The following PALS2 variants were observed in gnomAD, a reference collection of about 807,000 sequenced individuals.
PALS2 encodes protein PALS2.
A neutral mutation model predicts 61.6 loss-of-function variants in PALS2; 27 were observed. That is an observed-to-expected ratio of 0.44 (90% CI 0.32 to 0.60). The LOEUF is 0.60. Among genes scored for constraint, PALS2 ranks in the 20% least tolerant of loss-of-function variants. The pLI, the probability that PALS2 is intolerant of heterozygous loss-of-function variation, is 0.05. For synonymous variants in PALS2, 236 were observed against 218.6 expected (o/e 1.08, Z -0.70); for missense variants, 554 against 639.4 (o/e 0.87, Z 1.44).
intron 9 of PALS2, among the ~76,000 whole-genome samples, chr7:24,677,023 G>C (rs867787680): frequency 0.014 from 2,111 of 147,426 alleles, 81 homozygotes; most frequent in African/African-American, 0.054. Flanking sequence ...GAATGTTCTT[G>C]CATTTGTTTG....
At position 24,666,363 on chromosome 7, in the gene PALS2, A is replaced by G. The variant is rs544632505; in HGVS notation, c.952+274A>G. Reference sequence around the variant, plus strand: ...TGTCTTAATCAAGAAGCAGTATCATAATTGAAACTATTTGTCCAGAGAATT... The same window carrying G: ...TGTCTTAATCAAGAAGCAGTATCATGATTGAAACTATTTGTCCAGAGAATT... On this transcript the variant is annotated intron_variant, in intron 8 of 11. Transcript: ENST00000222644. Among the ~76,000 whole-genome samples, 57 of 152,278 alleles carry G rather than the reference A, an allele frequency of 3.7e-4. 2 individuals are homozygous for G. In the South Asian group the frequency reaches 6.3e-3, roughly 17 times the overall value.
chr7:24,679,140 G>A lies in PALS2; in HGVS notation c.1124G>A (p.Arg375Gln). ...ACACTATTTTATTTAGTTACTTCACGGAAACCAAGGGAAGATGAAAAAGAT... is the reference window on the plus strand; with the variant it reads ...ACACTATTTTATTTAGTTACTTCACAGAAACCAAGGGAAGATGAAAAAGAT... ...RFGTTVPFTSRKPREDEKDGQ... is the reference protein window; with the variant it reads ...RFGTTVPFTSQKPREDEKDGQ... The change falls in exon 10 of 12, where the codon CGG becomes CAG. Residue 375 changes from arginine (R) to glutamine (Q), a missense_variant. Physicochemically the swap from Arg to Gln is conservative, Grantham distance 43 (BLOSUM62 1). Transcript: ENST00000222644. 2 of 1,613,364 alleles carry A rather than the reference G, an allele frequency of 1.2e-6. No individual in the cohort carries two copies. The highest frequency in any genetic ancestry group is 1.7e-6 in the Non-Finnish European group (2 of 1,179,486).
intron 2 of PALS2, among the ~76,000 whole-genome samples, chr7:24,639,245 GA>G (rs1240999620): frequency 3.3e-5 from 5 of 152,196 alleles, no homozygotes; most frequent in African/African-American, 1.2e-4. Flanking sequence ...ATATAAAGAT[GA>G]AGTAAAGTAA....
intron 1 of PALS2, among the ~76,000 whole-genome samples, chr7:24,584,578 G>A (rs1369246704): frequency 1.3e-5 from 2 of 151,154 alleles, no homozygotes; most frequent in African/African-American, 4.9e-5. Context: ...TGTCAGATGA[G>A]TAGGTTGGGA....
rs372137362 is a variant in PALS2 at position 24,629,142 on chromosome 7, T to A, written c.117+5358T>A. 9.9e-5 allele frequency among the ~76,000 whole-genome samples: 15 copies of A among 151,920 alleles called. 1 individual carries two copies. Among genetic ancestry groups the A allele is most frequent in the Admixed American group, 7.2e-4 (11 of 15,262 alleles). Reference sequence around the variant, plus strand: ...ACCATGGTACTGGTACAAAAACAAATATATAGACCAATGGAACAGGACAGA... The same window carrying A: ...ACCATGGTACTGGTACAAAAACAAAAATATAGACCAATGGAACAGGACAGA... On this transcript the variant is annotated intron_variant, in intron 2 of 11. Coordinates refer to ENST00000222644, the MANE Select transcript of PALS2 (RefSeq NM_001303037.2).
intron 1 of PALS2, among the ~76,000 whole-genome samples, chr7:24,613,095 A>G (rs1432892869): frequency 1.3e-5 from 2 of 151,644 alleles, no homozygotes; most frequent in Non-Finnish European, 3.0e-5. Context: ...AAATTACATT[A>G]TAATTTTTTA....
chr7:24,582,275 A>G (rs1425780482), intron 1 of PALS2, among the ~76,000 whole-genome samples: 3 of 152,238 alleles, frequency 2.0e-5, no homozygotes, highest in Non-Finnish European at 4.4e-5. Flanking sequence ...TATGATGCAT[A>G]TAAAGAAAAT....
chr7:24,629,027 A>T (rs1414031540), intron 2 of PALS2, among the ~76,000 whole-genome samples: 4 of 152,204 alleles, frequency 2.6e-5, no homozygotes, highest in Non-Finnish European at 4.4e-5. Flanking sequence ...GAGCCGGTAT[A>T]GCCTAGACAA....
Position 24,687,381 on chromosome 7 carries a change from T to C in PALS2, c.1447-57T>C, listed in dbSNP as rs1285171886. The C allele has an allele frequency of 7.5e-7, 1 of 1,336,040 alleles. No individual in the cohort carries two copies. Among genetic ancestry groups the C allele is most frequent in the Admixed American group, 2.1e-5 (1 of 48,042 alleles). The allele number at this position is 1,336,040 out of a possible 1,614,324, so 82.8% of individuals were successfully genotyped here. A position where few individuals can be genotyped will look rare whatever the true frequency, so the allele number is the denominator to read the frequency against. On this transcript the variant is annotated intron_variant, in intron 11 of 11. Transcript: ENST00000222644. The surrounding 1 kb of genome is among the most constrained non-coding windows in gnomAD (Gnocchi z 4.5). ...TATTATATTCACTTCTAGTTGGAGTTTGAGCAAGTAAATATGCATTGTAAT... is the reference window on the plus strand; with the variant it reads ...TATTATATTCACTTCTAGTTGGAGTCTGAGCAAGTAAATATGCATTGTAAT...
chr7:24,641,235 G>T (rs1785536651), intron 2 of PALS2, among the ~76,000 whole-genome samples: 1 of 151,886 alleles, frequency 6.6e-6, no homozygotes, highest in African/African-American at 2.4e-5. Context: ...GAAGATAGGA[G>T]CTTCCAGATT....
chr7:24,687,562 T>C lies in PALS2; in HGVS notation c.1571T>C (p.Ile524Thr). 6.2e-7 allele frequency: 1 copy of C among 1,612,770 alleles called. No homozygotes were observed. Among genetic ancestry groups the C allele is most frequent in the South Asian group, 1.1e-5 (1 of 90,726 alleles). The change falls in exon 12 of 12, where the codon ATA becomes ACA. Residue 524 changes from isoleucine to threonine, a missense_variant. Coordinates refer to ENST00000222644, the MANE Select transcript of PALS2 (RefSeq NM_001303037.2). This position sits in a 1 kb window ranked among gnomAD's most constrained non-coding sequence, Gnocchi z 4.5. ...DKAFEKLQTA[I>T]EKLRMEPQWV... is the part of the protein sequence containing the mutation. ...GCCTTTGAAAAACTGCAAACTGCCA[T>C]AGAGAAACTGAGAATGGAACCACAG... is the stretch of plus-strand genomic sequence containing the variant.
chr7:24,673,443 C>G (rs1221449915), intron 9 of PALS2, among the ~76,000 whole-genome samples: 1 of 152,128 alleles, frequency 6.6e-6, no homozygotes, highest in African/African-American at 2.4e-5. Flanking sequence ...TTTCCTCTTT[C>G]ATTGTTTGGG....
Position 24,649,666 on chromosome 7 carries a change from T to C in PALS2, c.325T>C (p.Ser109Pro). Residue 109 changes from serine (S) to proline (P), a missense_variant, in exon 4 of 12, where the codon TCA becomes CCA. Ser to Pro is a moderately conservative substitution (Grantham distance 74, BLOSUM62 -1). Coordinates refer to ENST00000222644, the MANE Select transcript of PALS2 (RefSeq NM_001303037.2). Reference sequence around the variant, plus strand: ...ATCAAAGTGTTATGATTCACCTCCATCAAGCCCAGAAATGAATAATTCTTC... The same window carrying C: ...ATCAAAGTGTTATGATTCACCTCCACCAAGCCCAGAAATGAATAATTCTTC... ...VASKCYDSPP[S>P]SPEMNNSSIN... 1 of 1,612,070 alleles carries C rather than the reference T, an allele frequency of 6.2e-7. No homozygotes were observed. Among genetic ancestry groups the C allele is most frequent in the East Asian group, 2.2e-5 (1 of 44,704 alleles).
Position 24,618,346 on chromosome 7 carries a change from C to G in PALS2, c.-2-5320C>G, listed in dbSNP as rs149710457. ...GACCAGAGCCACAGCAGATCCTGTG[C>G]TCAGGCTCTGTGCAGCTGGGGTTGT... On this transcript the variant is annotated intron_variant, in intron 1 of 11. Transcript: ENST00000222644. This position sits in a 1 kb window ranked among gnomAD's most constrained non-coding sequence, Gnocchi z 5.1. Among the ~76,000 whole-genome samples, 1 of 152,188 alleles carries G rather than the reference C, an allele frequency of 6.6e-6. No homozygotes were observed. Among genetic ancestry groups the G allele is most frequent in the Non-Finnish European group, 1.5e-5 (1 of 68,024 alleles).
chr7:24,649,996 CA>C (rs201135204), intron 4 of PALS2, among the ~76,000 whole-genome samples: 1,873 of 152,032 alleles, frequency 0.012, 53 homozygotes, highest in African/African-American at 0.043. Context: ...CAAGGGGTAG[CA>C]AAAAATTTCA....
At chr7:24,586,059 T>C (rs1367320557) in intron 1 of PALS2, among the ~76,000 whole-genome samples, 2 of 152,178 alleles carry the variant, frequency 1.3e-5, no homozygotes, top group African/African-American at 4.8e-5. Flanking sequence ...TATACTGGTA[T>C]TACACAAATA....
At chr7:24,637,321 C>A (rs1785286618) in intron 2 of PALS2, among the ~76,000 whole-genome samples, 1 of 133,216 alleles carries the variant, frequency 7.5e-6, no homozygotes, top group African/African-American at 2.8e-5. Flanking sequence ...TTTTTCAGAG[C>A]AAAGCTCATC....
In PALS2 at chr7:24,662,495, G is replaced by A. The variant is rs1786776026; in HGVS notation, c.652-1095G>A. On this transcript the variant is annotated intron_variant, in intron 5 of 11. Transcript: ENST00000222644. ...TTTTAAGAAAGCAGTTGGGCTGGGC[G>A]CAGTGGCTTATGCCTGTAATCCCCA... Among the ~76,000 whole-genome samples the A allele has an allele frequency of 1.3e-5, 2 of 152,026 alleles. 1 individual carries two copies. Among genetic ancestry groups the A allele is most frequent in the South Asian group, 4.1e-4 (2 of 4,820 alleles).
At chr7:24,612,505 A>T (rs1784150217) in intron 1 of PALS2, among the ~76,000 whole-genome samples, 1 of 151,796 alleles carries the variant, frequency 6.6e-6, no homozygotes, top group Admixed American at 6.6e-5. Context: ...TTAAAGAATA[A>T]TTTGGAGAGA....
Sources: allele counts gnomAD v4.1 joint callset (sites outside exome capture counted in the v4.1 genomes callset), GRCh38; gene constraint gnomAD v4.1.1; non-coding constraint Gnocchi (gnomAD v3.1); transcripts MANE v1.5; gene names NCBI Gene and HGNC (gene_info 2026-07-23, HGNC 2026-07-21).